Variants in VPS13B observed in about 807,000 individuals in gnomAD.
VPS13B encodes the protein vacuolar protein sorting 13 homolog B, also known as intermembrane lipid transfer protein VPS13B.
VPS13B carries 285 observed loss-of-function variants against 426.4 expected under a neutral mutation model. That is an observed-to-expected ratio of 0.67 (90% CI 0.61 to 0.74). The LOEUF is 0.74. Ranked by LOEUF, VPS13B falls within the 30% of genes least tolerant of loss-of-function variation. The pLI, the probability that VPS13B is intolerant of heterozygous loss-of-function variation, is 0.00. For missense variants in VPS13B, 4,537 were observed against 4,782.6 expected (o/e 0.95, Z 1.51); for synonymous variants, 1,676 against 1,676.4 (o/e 1.00, Z 0.01).
chr8:99,014,472 A>G (rs1226769945), intron 2 of VPS13B, among the ~76,000 whole-genome samples: 1 of 151,938 alleles, frequency 6.6e-6, no homozygotes, highest in Non-Finnish European at 1.5e-5. Context: ...GAATGGGATT[A>G]CTTAAAGTTG....
At chr8:99,401,589 G>A (rs1208830616) in intron 21 of VPS13B, among the ~76,000 whole-genome samples, 2 of 152,158 alleles carry the variant, frequency 1.3e-5, no homozygotes, top group African/African-American at 4.8e-5. Context: ...ACTATGGCTG[G>A]GCACAGTGGC....
chr8:99,732,400 C>T (rs1237505494), intron 39 of VPS13B, among the ~76,000 whole-genome samples: 1 of 152,188 alleles, frequency 6.6e-6, no homozygotes, highest in Non-Finnish European at 1.5e-5. Flanking sequence ...AGGACCAAAA[C>T]AGAGCATGCC....
chr8:99,078,130 G>T (rs982706363), intron 3 of VPS13B, among the ~76,000 whole-genome samples: 1 of 151,456 alleles, frequency 6.6e-6, no homozygotes, highest in African/African-American at 2.4e-5. Flanking sequence ...TTCTCACTGA[G>T]GCTCTTCGTT....
chr8:99,200,515 TC>T (rs1231388030), intron 17 of VPS13B, among the ~76,000 whole-genome samples: 1 of 152,190 alleles, frequency 6.6e-6, no homozygotes, highest in Non-Finnish European at 1.5e-5. Flanking sequence ...CATTGTACTT[TC>T]CATTGGCAAT....
chr8:99,322,319 G>A (rs1204653679), intron 19 of VPS13B, among the ~76,000 whole-genome samples: 1 of 152,120 alleles, frequency 6.6e-6, no homozygotes, highest in East Asian at 1.9e-4. Flanking sequence ...TGAATTGCTA[G>A]ATTTAGGCTT....
At chr8:99,461,830 G>C (rs1020975027) in intron 23 of VPS13B, among the ~76,000 whole-genome samples, 4 of 152,068 alleles carry the variant, frequency 2.6e-5, no homozygotes, top group Non-Finnish European at 5.9e-5. Flanking sequence ...TTGTTCTCCA[G>C]AGCTTTTATC....
intron 9 of VPS13B, 100 bp downstream of exon 9, chr8:99,134,827 T>A: frequency 8.3e-7 from 1 of 1,206,782 alleles, no homozygotes; most frequent in Middle Eastern, 2.6e-4. Flanking sequence ...AAAATACAAG[T>A]AAGATGTTTG....
At chr8:99,080,660 T>G (rs1218109965) in intron 3 of VPS13B, among the ~76,000 whole-genome samples, 2 of 152,344 alleles carry the variant, frequency 1.3e-5, no homozygotes, top group South Asian at 4.1e-4. Context: ...TTATATTTTG[T>G]GTTTGTTTGC....
intron 35 of VPS13B, 143 bp from the exon 36 acceptor site, chr8:99,699,382 A>T: frequency 1.2e-6 from 1 of 850,972 alleles, no homozygotes; most frequent in Non-Finnish European, 1.9e-6. Context: ...AGTGATGAGT[A>T]AGAGATATAT....
At chr8:99,749,490 G>C (rs1218590198) in intron 39 of VPS13B, among the ~76,000 whole-genome samples, 1 of 151,988 alleles carries the variant, frequency 6.6e-6, no homozygotes, top group Non-Finnish European at 1.5e-5. Context: ...AGAGCATGCA[G>C]AGTTTGTTTT....
intron 25 of VPS13B, among the ~76,000 whole-genome samples, chr8:99,490,590 G>A (rs1182744475): frequency 6.6e-6 from 1 of 152,134 alleles, no homozygotes; most frequent in Non-Finnish European, 1.5e-5. Flanking sequence ...CCTGTTATTG[G>A]TCTATTCAGA....
chr8:99,315,615 T>C (rs1809600015), intron 19 of VPS13B, among the ~76,000 whole-genome samples: 1 of 151,916 alleles, frequency 6.6e-6, no homozygotes, highest in Admixed American at 6.6e-5. Context: ...ATATTCTGAA[T>C]TATTTCCCCA....
chr8:99,026,576 ATC>A (rs1842147486), intron 2 of VPS13B, among the ~76,000 whole-genome samples: 1 of 152,196 alleles, frequency 6.6e-6, no homozygotes, highest in South Asian at 2.1e-4. Flanking sequence ...AATGGAGTCT[ATC>A]TCTCTCTTTA....
chr8:99,803,924 G>C (rs1355421760), intron 43 of VPS13B, among the ~76,000 whole-genome samples: 1 of 151,934 alleles, frequency 6.6e-6, no homozygotes, highest in Non-Finnish European at 1.5e-5. Context: ...ATCATTTTGG[G>C]CCTACTTGAT....
At chr8:99,472,086 T>C (rs934645137) in intron 24 of VPS13B, among the ~76,000 whole-genome samples, 2 of 152,120 alleles carry the variant, frequency 1.3e-5, no homozygotes, top group South Asian at 4.1e-4. Context: ...TGTGTTACCA[T>C]AGATAGAGTG....
At chr8:99,321,374 A>AATTTTTGT (rs1469702602) in intron 19 of VPS13B, among the ~76,000 whole-genome samples, 1 of 151,610 alleles carries the variant, frequency 6.6e-6, no homozygotes, top group Non-Finnish European at 1.5e-5. Flanking sequence ...ACGCCCAGCT[A>AATTTTTGT]ATTTTTGTAT....
chr8:99,679,814 A>G (rs1831085147), intron 35 of VPS13B, among the ~76,000 whole-genome samples: 1 of 152,214 alleles, frequency 6.6e-6, no homozygotes, highest in Admixed American at 6.5e-5. Context: ...GTCCACTGTC[A>G]TCATGAATAC....
chr8:99,272,023 G>T (rs1232106646), intron 17 of VPS13B, among the ~76,000 whole-genome samples: 1 of 152,092 alleles, frequency 6.6e-6, no homozygotes, highest in African/African-American at 2.4e-5. Context: ...AGAATTCTGG[G>T]CCATAGCTCA....
At chr8:99,314,567 C>T (rs1052468621) in intron 19 of VPS13B, among the ~76,000 whole-genome samples, 2 of 152,148 alleles carry the variant, frequency 1.3e-5, no homozygotes, top group Non-Finnish European at 2.9e-5. Flanking sequence ...CCTCCTACCT[C>T]AGCCTCTCAA....
Sources: allele counts gnomAD v4.1 joint callset (sites outside exome capture counted in the v4.1 genomes callset), GRCh38; gene constraint gnomAD v4.1.1; transcripts MANE v1.5; gene names NCBI Gene and HGNC (gene_info 2026-07-23, HGNC 2026-07-21).